The following SNX29 variants were observed in gnomAD, a reference collection of about 807,000 sequenced individuals.
The protein encoded by SNX29 is sorting nexin-29.
Under a neutral mutation model 102.1 loss-of-function variants are expected in SNX29, and 78 were observed. The ratio of observed to expected loss-of-function variants is 0.76; its 90% CI spans 0.64 to 0.92. The LOEUF is 0.92. SNX29 is among the 40% of genes least tolerant of loss of function. The pLI is 0.00. For synonymous variants in SNX29, 580 were observed against 414.5 expected, an observed-to-expected ratio of 1.40 and a Z score of -4.85; for missense variants, 1,280 against 1,061.7, an observed-to-expected ratio of 1.21 and a Z score of -2.86.
At position 12,018,750 on chromosome 16, in the gene SNX29, T is replaced by C. The variant is rs8061490; in HGVS notation, c.123-8570T>C. Among the ~76,000 whole-genome samples the C allele has an allele frequency of 1.5e-3, 224 of 151,334 alleles. 1 individual carries two copies. The highest frequency in any genetic ancestry group is 5.2e-3 in the African/African-American group (214 of 41,410). ...ATCTTTTACACTTTTTTTTGTCTTT[T>C]TTTTTTTTTTCCTTTTTGTGGAGAA... On this transcript the variant is annotated intron_variant, in intron 3 of 20. Transcript: ENST00000566228.
chr16:12,076,713 A>G (rs894720481), intron 10 of SNX29, among the ~76,000 whole-genome samples: 1 of 152,102 alleles, frequency 6.6e-6, no homozygotes, highest in Admixed American at 6.5e-5. Context: ...TGCTGCTATT[A>G]CCGTTTTCTT....
At chr16:11,996,563 C>G (rs1165120265) in intron 1 of SNX29, among the ~76,000 whole-genome samples, 1 of 152,020 alleles carries the variant, frequency 6.6e-6, no homozygotes, top group Non-Finnish European at 1.5e-5. Context: ...GCATGAATTG[C>G]TTTTATGATG....
At chr16:12,072,763 C>G (rs1238985697) in intron 10 of SNX29, among the ~76,000 whole-genome samples, 1 of 151,972 alleles carries the variant, frequency 6.6e-6, no homozygotes, top group East Asian at 1.9e-4. Flanking sequence ...CTCCTTGTAC[C>G]TGTCGTAGAA....
Position 12,572,848 on chromosome 16 carries a change from G to A in SNX29, c.*4219G>A, listed in dbSNP as rs967441718. ...CCAGAAGGGGCAGCCTCATGCCCAG[G>A]TTTCAGCCCTAAAGGTAATGATTGT... is the stretch of plus-strand genomic sequence containing the variant. On this transcript the variant is annotated 3_prime_UTR_variant, in exon 21 of 21. Coordinates refer to ENST00000566228, the MANE Select transcript of SNX29 (RefSeq NM_032167.5). 1.9e-6 allele frequency: 2 copies of A among 1,063,658 alleles called. No homozygotes were observed. Among genetic ancestry groups the A allele is most frequent in the Admixed American group, 5.4e-5 (1 of 18,676 alleles). The allele number at this position is 1,063,658 out of a possible 1,614,324, so 65.9% of individuals were successfully genotyped here.
At chr16:12,298,256 A>T (rs575453207) in intron 15 of SNX29, among the ~76,000 whole-genome samples, 20 of 152,338 alleles carry the variant, frequency 1.3e-4, no homozygotes, top group African/African-American at 4.6e-4. Flanking sequence ...TAACTGAGCA[A>T]TGCAATTCAT....
At chr16:12,459,214 CTG>C (rs1378474546) in intron 18 of SNX29, among the ~76,000 whole-genome samples, 1 of 148,106 alleles carries the variant, frequency 6.8e-6, no homozygotes, top group African/African-American at 2.5e-5. Flanking sequence ...CGTCTCTGTA[CTG>C]TGTTCTCTAG....
At position 12,483,114 on chromosome 16, in the gene SNX29, G is replaced by GTTTTTTTTTTTTTTTTTTTTTTTTTT. The variant is rs574090459; in HGVS notation, c.2178+5259_2178+5284dup. The stretch of plus-strand genomic sequence containing the variant: ...AATAGATACATATTGAAGTTATTAA[G>GTTTTTTTTTTTTTTTTTTTTTTTTTT]TTTTTTTTTTTTTTTTTTTTTTTTT... On this transcript the variant is annotated intron_variant, in intron 19 of 20. Coordinates refer to ENST00000566228, the MANE Select transcript of SNX29 (RefSeq NM_032167.5). Among the ~76,000 whole-genome samples, 13 of 66,208 alleles carry GTTTTTTTTTTTTTTTTTTTTTTTTTT rather than the reference G, an allele frequency of 2.0e-4. 3 individuals carry two copies. Among genetic ancestry groups the GTTTTTTTTTTTTTTTTTTTTTTTTTT allele is most frequent in the Non-Finnish European group, 2.2e-4 (8 of 35,980 alleles). 43.4% of individuals were successfully genotyped at this position (66,208 alleles called of 152,430 possible). A position where few individuals can be genotyped will look rare whatever the true frequency, so the allele number is the denominator to read the frequency against.
intron 16 of SNX29, among the ~76,000 whole-genome samples, chr16:12,382,608 TG>T (rs2083208368): frequency 6.6e-6 from 1 of 152,258 alleles, no homozygotes; most frequent in Non-Finnish European, 1.5e-5. Context: ...TTAGAGCTGC[TG>T]TAACCAATTA....
At position 11,999,300 on chromosome 16, in the gene SNX29, C is replaced by T. The variant is rs748119900; in HGVS notation, c.11C>T (p.Ser4Leu). ...ATTAAGCCTCATTGCATTTTAGGAT[C>T]ACAGAACAATGACAAAAGACAATTT... is the stretch of plus-strand genomic sequence containing the variant. MSG[S>L]QNNDKRQFLL... The change falls in exon 2 of 21, where the codon TCA (serine) becomes TTA (leucine). Residue 4 changes from serine (S) to leucine (L), a missense_variant. Transcript: ENST00000566228. The T allele has an allele frequency of 2.5e-6, 4 of 1,613,860 alleles. No homozygotes were observed. In the Admixed American group the frequency reaches 5.0e-5, roughly 20 times the overall value.
chr16:12,214,532 A>G (rs139478103), intron 14 of SNX29, among the ~76,000 whole-genome samples: 242 of 152,156 alleles, frequency 1.6e-3, no homozygotes, highest in African/African-American at 5.4e-3. Context: ...CGAGTGGGTA[A>G]TGATGCCGTG....
chr16:12,367,366 C>T (rs952992010), intron 16 of SNX29: 1 of 152,288 alleles, frequency 6.6e-6, no homozygotes, highest in African/African-American at 2.4e-5. Flanking sequence ...GTTCGATTAT[C>T]CAGAAAGCTG....
rs757446204 is a variant in SNX29, at chr16:12,198,786, C to A, written c.1596-815C>A. Among the ~76,000 whole-genome samples the A allele has an allele frequency of 1.1e-3, 172 of 152,364 alleles. 1 individual carries two copies. Among genetic ancestry groups the A allele is most frequent in the Non-Finnish European group, 8.4e-4 (57 of 68,036 alleles). ...CTCCTGTAAAATGTGGAGAATACTGCAGGCTATTGTGCATTTTTCTACTGA... is the reference window on the plus strand; with the variant it reads ...CTCCTGTAAAATGTGGAGAATACTGAAGGCTATTGTGCATTTTTCTACTGA... On this transcript the variant is annotated intron_variant, in intron 13 of 20. Coordinates refer to ENST00000566228, the MANE Select transcript of SNX29 (RefSeq NM_032167.5).
At chr16:12,087,676 C>G (rs1472246414) in intron 11 of SNX29, 2 of 362,978 alleles carry the variant, frequency 5.5e-6, no homozygotes, top group East Asian at 1.5e-4. Context: ...TGAAGTTATC[C>G]TGGGCTTTAC....
intron 18 of SNX29, among the ~76,000 whole-genome samples, chr16:12,434,975 G>A (rs527947588): frequency 4.7e-5 from 7 of 149,992 alleles, no homozygotes; most frequent in African/African-American, 1.5e-4. Flanking sequence ...TATGGGGGGC[G>A]GTGGGGGGGG....
intron 13 of SNX29, among the ~76,000 whole-genome samples, chr16:12,144,688 T>C (rs1224002495): frequency 6.6e-6 from 1 of 152,242 alleles, no homozygotes; most frequent in Non-Finnish European, 1.5e-5. Flanking sequence ...TATTCGGTTA[T>C]AGCAGCACAA....
chr16:12,353,368 C>T (rs982996566), intron 15 of SNX29, among the ~76,000 whole-genome samples: 2 of 152,210 alleles, frequency 1.3e-5, no homozygotes, highest in African/African-American at 4.8e-5. Context: ...AAAACCAGCT[C>T]TCATCCACTG....
In SNX29 at chr16:12,042,987, G is replaced by A. The variant is rs749132072; in HGVS notation, c.338G>A (p.Gly113Asp). The A allele has an allele frequency of 6.2e-7, 1 of 1,613,762 alleles. No homozygotes were observed. Reference protein sequence around the residue: ...YSLRHIASDVGRGRAWLRCAL... With the variant: ...YSLRHIASDVDRGRAWLRCAL... Reference sequence around the variant, plus strand: ...CTGCGCCACATCGCCTCAGACGTGGGCCGGGGTCGCGCCTGGCTGCGCTGT... The same window carrying A: ...CTGCGCCACATCGCCTCAGACGTGGACCGGGGTCGCGCCTGGCTGCGCTGT... The change falls in exon 5 of 21, where the codon GGC becomes GAC. Residue 113 changes from glycine (G) to aspartate (D), a missense_variant. Gly to Asp is a moderately conservative substitution (Grantham distance 94). Coordinates refer to ENST00000566228, the MANE Select transcript of SNX29 (RefSeq NM_032167.5).
chr16:12,121,468 GCCCTTGGGTAGCC>G (rs917300206), intron 11 of SNX29, among the ~76,000 whole-genome samples: 2 of 152,252 alleles, frequency 1.3e-5, no homozygotes, highest in African/African-American at 4.8e-5. Flanking sequence ...TCTCCCGCTG[GCCCTTGGGTAGCC>G]GCCTTGGCTG....
At chr16:12,302,437 A>T (rs1299739743) in intron 15 of SNX29, among the ~76,000 whole-genome samples, 1 of 152,250 alleles carries the variant, frequency 6.6e-6, no homozygotes, top group Non-Finnish European at 1.5e-5. Context: ...ACTTATAAAC[A>T]ACAAAAATGT....
Sources: allele counts gnomAD v4.1 joint callset (sites outside exome capture counted in the v4.1 genomes callset), GRCh38; gene constraint gnomAD v4.1.1; transcripts MANE v1.5; gene names NCBI Gene and HGNC (gene_info 2026-07-23, HGNC 2026-07-21).